The following ADCY5 variants were observed in gnomAD, a reference collection of about 807,000 sequenced individuals.
ADCY5 encodes adenylate cyclase type 5.
In ADCY5, 30 loss-of-function variants were observed where a neutral mutation model predicts 119.7. That is an observed-to-expected ratio of 0.25 (90% CI 0.19 to 0.34). The LOEUF (loss-of-function observed/expected upper bound fraction) is 0.34. ADCY5 is among the 10% of genes least tolerant of loss of function. ADCY5 has a pLI of 1.00. For missense variants in ADCY5, 1,324 were observed against 1,775.2 expected, an observed-to-expected ratio of 0.75 and a Z score of 4.57; for synonymous variants, 753 against 762.2, an observed-to-expected ratio of 0.99 and a Z score of 0.20.
At chr3:123,441,261 G>A (rs1458928187) in intron 1 of ADCY5, among the ~76,000 whole-genome samples, 1 of 152,214 alleles carries the variant, frequency 6.6e-6, no homozygotes, top group Non-Finnish European at 1.5e-5. Context: ...CCTTCCCAGT[G>A]CGGCCTGTGA....
At chr3:123,444,360 G>C (rs921038811) in intron 1 of ADCY5, among the ~76,000 whole-genome samples, 5 of 152,198 alleles carry the variant, frequency 3.3e-5, no homozygotes, top group Admixed American at 3.3e-4. Context: ...GAGCCTGCAG[G>C]AAGGCAGCAG....
chr3:123,328,175 C>T (rs1005054652), intron 6 of ADCY5, among the ~76,000 whole-genome samples: 2 of 152,200 alleles, frequency 1.3e-5, no homozygotes, highest in East Asian at 1.9e-4. Flanking sequence ...AAAAGGCCAT[C>T]GGCTCTTCTC....
At chr3:123,349,768 G>A (rs927440312) in intron 2 of ADCY5, among the ~76,000 whole-genome samples, 15 of 152,018 alleles carry the variant, frequency 9.9e-5, no homozygotes, top group African/African-American at 2.9e-4. Context: ...GCCTGTTGCC[G>A]CCCAGGCCAC....
intron 1 of ADCY5, among the ~76,000 whole-genome samples, chr3:123,383,921 G>A (rs1381531492): frequency 1.9e-5 from 2 of 103,342 alleles, no homozygotes; most frequent in East Asian, 8.1e-4. Flanking sequence ...CTTCCTCAAG[G>A]CATGCACACA....
Position 123,330,874 on chromosome 3 carries a change from G to T in ADCY5, c.1646+15C>A, listed in dbSNP as rs368728140. On this transcript the variant is annotated intron_variant, in intron 5 of 20. Transcript: ENST00000462833. ...TCCCAGGGAGGGAGACGGTACCCGGGGGGTGGACACTTACGAGATGGCCTC... is the reference window on the plus strand; with the variant it reads ...TCCCAGGGAGGGAGACGGTACCCGGTGGGTGGACACTTACGAGATGGCCTC... 2 of 1,604,000 alleles carry T rather than the reference G, an allele frequency of 1.2e-6. No individual in the cohort carries two copies. Among genetic ancestry groups the T allele is most frequent in the Admixed American group, 1.7e-5 (1 of 58,366 alleles).
intron 1 of ADCY5, among the ~76,000 whole-genome samples, chr3:123,407,471 C>G (rs1359865239): frequency 6.6e-6 from 1 of 151,744 alleles, no homozygotes. Flanking sequence ...TTTGCAAATG[C>G]CAGGTATAGT....
At chr3:123,301,150 C>A (rs1442085466) in intron 14 of ADCY5, among the ~76,000 whole-genome samples, 1 of 150,604 alleles carries the variant, frequency 6.6e-6, no homozygotes. Context: ...GATGACGTCC[C>A]TAGGCACGTC....
At chr3:123,289,205 G>A (rs1230292294) in intron 19 of ADCY5, among the ~76,000 whole-genome samples, 3 of 152,146 alleles carry the variant, frequency 2.0e-5, no homozygotes, top group Admixed American at 2.0e-4. Context: ...TTCTACATTT[G>A]CAAATTTAAT....
intron 8 of ADCY5, 50 bp downstream of exon 8, chr3:123,325,272 G>T: frequency 1.2e-6 from 2 of 1,605,212 alleles, no homozygotes; most frequent in Non-Finnish European, 1.7e-6. Flanking sequence ...CCCACAGAAG[G>T]CCCTAGCCTT....
At chr3:123,396,069 G>A (rs1252726744) in intron 1 of ADCY5, among the ~76,000 whole-genome samples, 857 of 9,096 alleles carry the variant, frequency 0.094, no homozygotes, top group East Asian at 0.13. Flanking sequence ...AGGGTGGGAG[G>A]GAGAGGGAGG....
At chr3:123,417,262 G>A (rs1400082755) in intron 1 of ADCY5, among the ~76,000 whole-genome samples, 3 of 152,232 alleles carry the variant, frequency 2.0e-5, no homozygotes, top group African/African-American at 7.2e-5. Flanking sequence ...ATCCAGGGCA[G>A]GAGGCATGAA....
At chr3:123,299,884 G>A (rs1303522752) in intron 15 of ADCY5, among the ~76,000 whole-genome samples, 1 of 152,184 alleles carries the variant, frequency 6.6e-6, no homozygotes, top group Non-Finnish European at 1.5e-5. Flanking sequence ...CCTGGCAAGC[G>A]GGGAGCAAAC....
chr3:123,388,540 G>A (rs1944303609), intron 1 of ADCY5, among the ~76,000 whole-genome samples: 1 of 151,498 alleles, frequency 6.6e-6, no homozygotes. Flanking sequence ...TGCATCTCCG[G>A]AGAGGCTGGG....
chr3:123,424,212 G>C (rs539684809), intron 1 of ADCY5, among the ~76,000 whole-genome samples: 13 of 152,342 alleles, frequency 8.5e-5, no homozygotes, highest in Middle Eastern at 3.4e-3. Context: ...GGTGGGCAGG[G>C]CTGGGCACAC....
Position 123,314,176 on chromosome 3 carries a change from C to T in ADCY5, c.2442+59G>A, listed in dbSNP as rs1040858311. The stretch of plus-strand genomic sequence containing the variant: ...ACATTTTGGGCCCCTGGGTAGGGCC[C>T]CTAGGGCTGAGAGAAGCGGGAAGAA... On this transcript the variant is annotated intron_variant, in intron 12 of 20. Coordinates refer to ENST00000462833, the MANE Select transcript of ADCY5 (RefSeq NM_183357.3). The T allele has an allele frequency of 5.5e-6, 8 of 1,456,458 alleles. No individual in the cohort carries two copies. The African/African-American group carries it at 1.1e-4, about 20-fold the overall frequency. 90.2% of individuals were successfully genotyped at this position (1,456,458 alleles called of 1,614,324 possible).
intron 1 of ADCY5, among the ~76,000 whole-genome samples, chr3:123,422,490 T>TCTC (rs984297182): frequency 6.6e-5 from 10 of 152,240 alleles, no homozygotes; most frequent in Admixed American, 5.9e-4. Flanking sequence ...TGCCATCACT[T>TCTC]CTCCAAGGCT....
In ADCY5 at chr3:123,320,739, T is replaced by A; in HGVS notation, c.2111+10A>T. The stretch of plus-strand genomic sequence containing the variant: ...CAGGGAGCAGGAATAAGGAAGGGCA[T>A]ATTACTCACTTGTCCTTGGGGTCTT... On this transcript the variant is annotated intron_variant, in intron 9 of 20. Coordinates refer to ENST00000462833, the MANE Select transcript of ADCY5 (RefSeq NM_183357.3). 1 of 1,612,188 alleles carries A rather than the reference T, an allele frequency of 6.2e-7. No homozygotes were observed. Among genetic ancestry groups the A allele is most frequent in the Middle Eastern group, 1.7e-4 (1 of 6,058 alleles).
intron 1 of ADCY5, among the ~76,000 whole-genome samples, chr3:123,425,855 G>A (rs1380424479): frequency 6.6e-6 from 1 of 152,232 alleles, no homozygotes; most frequent in Non-Finnish European, 1.5e-5. Flanking sequence ...GGCCAGGGGA[G>A]GGTAAAACCC....
In ADCY5 at chr3:123,447,706, C is replaced by G. The variant is rs1945848769; in HGVS notation, c.840G>C (p.Val280=). The change falls in exon 1 of 21, where the codon GTG becomes GTC. Residue 280 remains valine (V), a synonymous_variant. Transcript: ENST00000462833. ...YLAVLAAAVG[V]ILIMAVLCNR... Reference sequence around the variant, plus strand: ...TGCAAAGCACAGCCATGATGAGGATCACGCCGACGGCGGCCGCCAGCACGG... The same window carrying G: ...TGCAAAGCACAGCCATGATGAGGATGACGCCGACGGCGGCCGCCAGCACGG... 2 of 1,600,638 alleles carry G rather than the reference C, an allele frequency of 1.2e-6. No homozygotes were observed. Among genetic ancestry groups the G allele is most frequent in the Non-Finnish European group, 1.7e-6 (2 of 1,172,112 alleles).
Sources: gnomAD v4.1 joint callset for allele counts (sites outside exome capture counted in the v4.1 genomes callset) on GRCh38, gnomAD v4.1.1 for gene constraint, MANE v1.5 for transcripts, NCBI Gene and HGNC (gene_info 2026-07-23, HGNC 2026-07-21) for gene names.